Variants in NLGN4X observed in about 807,000 individuals in gnomAD.
NLGN4X encodes the protein neuroligin-4, X-linked.
NLGN4X carries 3 observed loss-of-function variants against 40.3 expected under a neutral mutation model. The observed-to-expected ratio is 0.07, with a 90% CI of 0.03 to 0.19. NLGN4X has a LOEUF of 0.19. Among genes scored for constraint, NLGN4X ranks in the 10% least tolerant of loss-of-function variants. The pLI is 1.00. For missense variants in NLGN4X, 382 were observed against 708.3 expected, an observed-to-expected ratio of 0.54 and a Z score of 5.23; for synonymous variants, 270 against 306.8, an observed-to-expected ratio of 0.88 and a Z score of 1.25.
rs763285570 is a variant in NLGN4X at position 6,221,068 on chromosome X, T to C, written c.-306+7473A>G. ...TATAACTTTCATTGTACATTTTCTA[T>C]TTTTATTTATTATTTATTTATTTAT... is the stretch of plus-strand genomic sequence containing the variant. On this transcript the variant is annotated intron_variant, in intron 1 of 5. Transcript: ENST00000381095. Among the ~76,000 whole-genome samples, 3 of 108,400 alleles carry C rather than the reference T, an allele frequency of 2.8e-5. No individual in the cohort carries two copies. The South Asian group carries it at 1.2e-3, about 42-fold the overall frequency. 94.1% of individuals were successfully genotyped at this position (108,400 alleles called of 115,157 possible).
chrX:6,089,969 G>A (rs2038596565), intron 2 of NLGN4X, among the ~76,000 whole-genome samples: 1 of 110,896 alleles, frequency 9.0e-6, no homozygotes, highest in African/African-American at 3.3e-5. Context: ...TCATGAGACT[G>A]TGGTTATCAG....
chrX:5,929,452 T>G (rs953904019), intron 3 of NLGN4X, among the ~76,000 whole-genome samples: 3 of 111,692 alleles, frequency 2.7e-5, no homozygotes, highest in African/African-American at 9.8e-5. Flanking sequence ...AGCAAGACTC[T>G]GTCACACACA....
At chrX:5,974,480 C>T (rs1266810497) in intron 3 of NLGN4X, among the ~76,000 whole-genome samples, 1 of 111,611 alleles carries the variant, frequency 9.0e-6, no homozygotes, top group Non-Finnish European at 1.9e-5. Flanking sequence ...ACAGGAGTGT[C>T]CCTTTTTCCA....
At chrX:6,026,285 AG>A (rs1411840842) in intron 3 of NLGN4X, among the ~76,000 whole-genome samples, 2 of 111,591 alleles carry the variant, frequency 1.8e-5, no homozygotes, top group Admixed American at 9.5e-5. Flanking sequence ...TTCCTCAGGT[AG>A]GAAGATAACA....
chrX:6,122,526 G>T (rs188703294), intron 2 of NLGN4X, among the ~76,000 whole-genome samples: 2 of 110,352 alleles, frequency 1.8e-5, no homozygotes, highest in Non-Finnish European at 3.8e-5. Flanking sequence ...GAGCCACCGC[G>T]CCAGGCAGAG....
intron 1 of NLGN4X, among the ~76,000 whole-genome samples, chrX:6,203,307 G>A (rs1386364925): frequency 8.9e-6 from 1 of 112,152 alleles, no homozygotes; most frequent in Non-Finnish European, 1.9e-5. Flanking sequence ...TTGTCCTTAT[G>A]ACAAAATTCT....
intron 3 of NLGN4X, among the ~76,000 whole-genome samples, chrX:6,011,082 A>T (rs1456289975): frequency 9.0e-6 from 1 of 111,427 alleles, no homozygotes; most frequent in East Asian, 2.8e-4. Flanking sequence ...CATATCTTAA[A>T]GTGTTTAATA....
At chrX:6,193,400 C>T (rs1348419399) in intron 1 of NLGN4X, among the ~76,000 whole-genome samples, 1 of 56,558 alleles carries the variant, frequency 1.8e-5, no homozygotes, top group Non-Finnish European at 2.9e-5. Context: ...CAGAACGAGA[C>T]TCCGTCTCAA....
In NLGN4X at chrX:5,893,654, T is replaced by C. The variant is rs1021946988; in HGVS notation, c.1614A>G (p.Gln538=). The C allele has an allele frequency of 1.1e-5, 13 of 1,209,318 alleles. No individual in the cohort carries two copies. The highest frequency in any genetic ancestry group is 1.5e-5 in the Non-Finnish European group (13 of 895,014). The change falls in exon 6 of 6, where the codon CAA becomes CAG. Residue 538 remains glutamine, a synonymous_variant. Transcript: ENST00000381095. ...TGAACTTGGTATCCTGAGGAACTGGTTGATTTGGATCACTGAGGATAGAAG... is the reference window on the plus strand; with the variant it reads ...TGAACTTGGTATCCTGAGGAACTGGCTGATTTGGATCACTGAGGATAGAAG... ...TNFAKTGDPN[Q]PVPQDTKFIH... is the part of the protein sequence containing the mutation.
intron 1 of NLGN4X, among the ~76,000 whole-genome samples, chrX:6,152,639 G>T (rs1003352162): frequency 9.0e-6 from 1 of 111,721 alleles, no homozygotes; most frequent in African/African-American, 3.3e-5. Flanking sequence ...TCCTTGGTCT[G>T]GTCAAGTGCA....
In NLGN4X at chrX:5,923,333, G is replaced by T. The variant is rs547184601; in HGVS notation, c.626-14094C>A. On this transcript the variant is annotated intron_variant, in intron 3 of 5. Transcript: ENST00000381095. Reference sequence around the variant, plus strand: ...TTTTTGTATTTTTTATAGAGACAGGGTTTCACCATGTTGCCCAGGCTGGTC... The same window carrying T: ...TTTTTGTATTTTTTATAGAGACAGGTTTTCACCATGTTGCCCAGGCTGGTC... 5.0e-4 allele frequency among the ~76,000 whole-genome samples: 56 copies of T among 112,003 alleles called. No individual in the cohort carries two copies. The South Asian group carries it at 0.019, about 39-fold the overall frequency.
At chrX:6,054,402 G>A (rs1217794539) in intron 2 of NLGN4X, among the ~76,000 whole-genome samples, 1 of 110,718 alleles carries the variant, frequency 9.0e-6, no homozygotes, top group East Asian at 2.8e-4. Context: ...ATCGTATGAG[G>A]CCAGGAGTTC....
Position 6,133,378 on chromosome X carries a change from C to T in NLGN4X, c.472+17617G>A, listed in dbSNP as rs144299511. 5.2e-3 allele frequency among the ~76,000 whole-genome samples: 583 copies of T among 112,168 alleles called. 7 individuals are homozygous for T. The highest frequency in any genetic ancestry group is 0.018 in the African/African-American group (560 of 30,931). On this transcript the variant is annotated intron_variant, in intron 2 of 5. Coordinates refer to ENST00000381095, the MANE Select transcript of NLGN4X (RefSeq NM_181332.3). ...GGCTAATAATTCCTTGTTGCACACA[C>T]ACCTCCTAATTTAACTGAACACAGA...
At chrX:6,067,046 T>C (rs1452662019) in intron 2 of NLGN4X, among the ~76,000 whole-genome samples, 1 of 111,262 alleles carries the variant, frequency 9.0e-6, no homozygotes, top group African/African-American at 3.3e-5. Context: ...GAGTTCAAGG[T>C]TGCAGTAAAC....
chrX:6,207,044 T>A (rs747553178), intron 1 of NLGN4X, among the ~76,000 whole-genome samples: 33 of 110,182 alleles, frequency 3.0e-4, no homozygotes, highest in East Asian at 1.4e-3. Flanking sequence ...TCTCTCTCTC[T>A]CACACACACA....
intron 3 of NLGN4X, among the ~76,000 whole-genome samples, chrX:5,954,610 C>T (rs966923394): frequency 4.0e-5 from 4 of 100,676 alleles, no homozygotes; most frequent in African/African-American, 1.5e-4. Context: ...GTCTCTGTCT[C>T]TGTCTCTGTC....
chrX:5,936,326 A>G (rs2033728680), intron 3 of NLGN4X, among the ~76,000 whole-genome samples: 1 of 111,929 alleles, frequency 8.9e-6, no homozygotes, highest in Non-Finnish European at 1.9e-5. Context: ...CCAGATAAAC[A>G]TTAAAATAAT....
intron 2 of NLGN4X, among the ~76,000 whole-genome samples, chrX:6,113,159 A>C (rs1274509370): frequency 9.0e-6 from 1 of 111,183 alleles, no homozygotes. Flanking sequence ...ATAGGATTTG[A>C]GGAAAGAAAA....
rs1451651803 is a variant in NLGN4X, at chrX:6,156,267, T to C, written c.-305-4496A>G. On this transcript the variant is annotated intron_variant, in intron 1 of 5. Transcript: ENST00000381095. Reference sequence around the variant, plus strand: ...GCTCACGCCTGTAATCCCAGCACTTTGGGAGGCCGAGGCAGGTGGATCACG... The same window carrying C: ...GCTCACGCCTGTAATCCCAGCACTTCGGGAGGCCGAGGCAGGTGGATCACG... Among the ~76,000 whole-genome samples the C allele has an allele frequency of 7.1e-5, 8 of 112,165 alleles. No homozygotes were observed. The South Asian group carries it at 3.0e-3, about 41-fold the overall frequency.
Sources: gnomAD v4.1 joint callset for allele counts (sites outside exome capture counted in the v4.1 genomes callset) on GRCh38, gnomAD v4.1.1 for gene constraint, MANE v1.5 for transcripts, NCBI Gene and HGNC (gene_info 2026-07-23, HGNC 2026-07-21) for gene names.